The following KIAA1217 variants were observed in gnomAD, a reference collection of about 807,000 sequenced individuals.
KIAA1217 encodes the protein sickle tail protein homolog.
KIAA1217 carries 88 observed loss-of-function variants against 163.9 expected under a neutral mutation model. The ratio of observed to expected loss-of-function variants is 0.54; its 90% CI spans 0.45 to 0.64. The LOEUF (loss-of-function observed/expected upper bound fraction) is 0.64, where lower values mean the gene tolerates loss of function less well. KIAA1217 is among the 30% of genes least tolerant of loss of function. KIAA1217 has a pLI of 0.00. For synonymous variants in KIAA1217, 903 were observed against 923.1 expected, an observed-to-expected ratio of 0.98 and a Z score of 0.39; for missense variants, 2,372 against 2,475.0, an observed-to-expected ratio of 0.96 and a Z score of 0.88.
chr10:23,868,405 T>C (rs995395827), intron 1 of KIAA1217, among the ~76,000 whole-genome samples: 3 of 152,118 alleles, frequency 2.0e-5, no homozygotes, highest in African/African-American at 4.8e-5. Context: ...GTGCTTGCAT[T>C]GTGCCCAGGG....
chr10:23,957,204 G>A (rs1022124046), intron 1 of KIAA1217, among the ~76,000 whole-genome samples: 1 of 152,060 alleles, frequency 6.6e-6, no homozygotes, highest in African/African-American at 2.4e-5. Context: ...GTGTGTGCTG[G>A]CCCTCGTGTG....
chr10:24,431,962 C>T (rs2059634051), intron 3 of KIAA1217, among the ~76,000 whole-genome samples: 1 of 151,982 alleles, frequency 6.6e-6, no homozygotes, highest in African/African-American at 2.4e-5. Flanking sequence ...GTTGCATTTC[C>T]ACTGAAAATG....
At chr10:23,938,519 TACA>T (rs1286134086) in intron 1 of KIAA1217, among the ~76,000 whole-genome samples, 1 of 151,968 alleles carries the variant, frequency 6.6e-6, no homozygotes, top group Non-Finnish European at 1.5e-5. Context: ...AAAATAGCAG[TACA>T]ACAATAAAAA....
At chr10:23,790,567 A>G (rs1282050552) in intron 1 of KIAA1217, among the ~76,000 whole-genome samples, 1 of 111,994 alleles carries the variant, frequency 8.9e-6, no homozygotes, top group South Asian at 2.4e-4. Flanking sequence ...GTACATATGT[A>G]TATATACATA....
Position 24,192,327 on chromosome 10 carries a change from G to C in KIAA1217, c.-170-27299G>C, listed in dbSNP as rs373287686. On this transcript the variant is annotated intron_variant, in intron 2 of 18. Transcript: ENST00000376462. ...CTCCTTTCTTCCAGGTATAGGGAGG[G>C]CATCTCTCACATTAGGGTCTTGCCA... Among the ~76,000 whole-genome samples, 3 of 152,232 alleles carry C rather than the reference G, an allele frequency of 2.0e-5. No homozygotes were observed. The South Asian group carries it at 6.2e-4, about 32-fold the overall frequency.
Position 24,524,425 on chromosome 10 carries a change from G to A in KIAA1217, c.2559G>A (p.Glu853=), listed in dbSNP as rs1187225943. The change falls in exon 13 of 21, where the codon GAG becomes GAA. Residue 853 remains glutamate, a synonymous_variant. Transcript: ENST00000376454. ...ATAAEVLKSQ[E]EAAHTSGQPF... is the part of the protein sequence containing the mutation. ...CCGCAGAAGTCCTGAAGAGTCAGGAGGAGGCAGCCCACACCTCCGGCCAGC... is the reference window on the plus strand; with the variant it reads ...CCGCAGAAGTCCTGAAGAGTCAGGAAGAGGCAGCCCACACCTCCGGCCAGC... The A allele has an allele frequency of 6.2e-7, 1 of 1,614,108 alleles. No homozygotes were observed. The highest frequency in any genetic ancestry group is 1.3e-5 in the African/African-American group (1 of 74,948).
chr10:24,031,505 G>T (rs1461346114), intron 2 of KIAA1217, among the ~76,000 whole-genome samples: 1 of 152,072 alleles, frequency 6.6e-6, no homozygotes, highest in Non-Finnish European at 1.5e-5. Context: ...TCACCATGTT[G>T]CCCAGGCTGA....
intron 2 of KIAA1217, among the ~76,000 whole-genome samples, chr10:24,240,554 G>T (rs1037285514): frequency 2.0e-5 from 3 of 152,140 alleles, no homozygotes; most frequent in African/African-American, 7.2e-5. Context: ...TCCAACATCG[G>T]AAGTTCTGGG....
intron 1 of KIAA1217, among the ~76,000 whole-genome samples, chr10:23,756,019 T>C (rs983149290): frequency 2.0e-5 from 3 of 152,062 alleles, no homozygotes; most frequent in Non-Finnish European, 4.4e-5. Flanking sequence ...TGCAGCAGTG[T>C]GATCATAGCT....
intron 2 of KIAA1217, among the ~76,000 whole-genome samples, chr10:24,039,658 T>C (rs1848542755): frequency 6.6e-6 from 1 of 152,170 alleles, no homozygotes; most frequent in Non-Finnish European, 1.5e-5. Flanking sequence ...TTTTCAACTT[T>C]CAGTGGATTT....
chr10:23,815,934 A>G (rs1837295768), intron 1 of KIAA1217, among the ~76,000 whole-genome samples: 2 of 152,212 alleles, frequency 1.3e-5, no homozygotes, highest in African/African-American at 4.8e-5. Context: ...GCAATTTACC[A>G]CATAGCCCTT....
At chr10:23,944,031 A>G (rs921920293) in intron 1 of KIAA1217, among the ~76,000 whole-genome samples, 1 of 152,248 alleles carries the variant, frequency 6.6e-6, no homozygotes, top group African/African-American at 2.4e-5. Flanking sequence ...AATTTTCTTT[A>G]AGAAAAGATA....
chr10:24,381,406 A>G (rs1240573462), intron 3 of KIAA1217, among the ~76,000 whole-genome samples: 1 of 152,172 alleles, frequency 6.6e-6, no homozygotes, highest in Non-Finnish European at 1.5e-5. Flanking sequence ...GTGGCCTGTT[A>G]GGAAACAGAC....
At chr10:24,108,164 G>A (rs2062704177) in intron 2 of KIAA1217, among the ~76,000 whole-genome samples, 1 of 152,194 alleles carries the variant, frequency 6.6e-6, no homozygotes, top group Non-Finnish European at 1.5e-5. Flanking sequence ...CTAGGTGTGA[G>A]TGACTGTGTA....
intron 2 of KIAA1217, among the ~76,000 whole-genome samples, chr10:24,360,712 C>CT (rs1197836004): frequency 1.3e-5 from 2 of 152,176 alleles, no homozygotes; most frequent in Admixed American, 6.5e-5. Context: ...AGGGCACCCC[C>CT]TTGTGGTGCA....
At chr10:24,480,484 C>G (rs1446254261) in intron 6 of KIAA1217, among the ~76,000 whole-genome samples, 2 of 152,224 alleles carry the variant, frequency 1.3e-5, no homozygotes, top group Non-Finnish European at 2.9e-5. Context: ...AGTTCTAACA[C>G]TTGCCAGCAG....
At chr10:24,262,495 C>T (rs777589321) in intron 2 of KIAA1217, among the ~76,000 whole-genome samples, 5 of 152,002 alleles carry the variant, frequency 3.3e-5, no homozygotes, top group South Asian at 2.1e-4. Flanking sequence ...GGCGAGGTGG[C>T]GGGCAACTGT....
intron 2 of KIAA1217, among the ~76,000 whole-genome samples, chr10:24,102,724 C>T (rs1234213155): frequency 6.6e-6 from 1 of 152,182 alleles, no homozygotes; most frequent in Non-Finnish European, 1.5e-5. Context: ...AAATTCCCTT[C>T]CCCTCAAGAA....
At chr10:23,727,774 C>A (rs1403929889) in intron 1 of KIAA1217, among the ~76,000 whole-genome samples, 1 of 152,062 alleles carries the variant, frequency 6.6e-6, no homozygotes, top group East Asian at 1.9e-4. Flanking sequence ...TTAGGTATTT[C>A]TCCTGATGCT....
Sources: allele counts gnomAD v4.1 joint callset (sites outside exome capture counted in the v4.1 genomes callset), GRCh38; gene constraint gnomAD v4.1.1; transcripts MANE v1.5; gene names NCBI Gene and HGNC (gene_info 2026-07-23, HGNC 2026-07-21).